Variants in POT1 observed in about 807,000 individuals in gnomAD.
The protein encoded by POT1 is protection of telomeres protein 1.
In POT1, 47 loss-of-function variants were observed where a neutral mutation model predicts 78.5. That is an observed-to-expected ratio of 0.60 (90% CI 0.47 to 0.76). The LOEUF (loss-of-function observed/expected upper bound fraction) is 0.76, where lower values mean the gene tolerates loss of function less well. Among genes scored for constraint, POT1 ranks in the 30% least tolerant of loss-of-function variants. The pLI, the probability that POT1 is intolerant of heterozygous loss-of-function variation, is 0.00. For synonymous variants in POT1, 259 were observed against 260.7 expected, an observed-to-expected ratio of 0.99 and a Z score of 0.06; for missense variants, 646 against 749.9, an observed-to-expected ratio of 0.86 and a Z score of 1.62.
chr7:124,833,721 G>A (rs961901910), intron 15 of POT1, among the ~76,000 whole-genome samples: 1 of 152,166 alleles, frequency 6.6e-6, no homozygotes, highest in Non-Finnish European at 1.5e-5. Context: ...AAACAAGTGA[G>A]TACCAGCCTC....
In POT1 at chr7:124,874,896, T is replaced by C. The variant is rs117059696; in HGVS notation, c.125-3855A>G. ...AAGGGAGACAAGAAAGAAAGGAGGG[T>C]AGAAAAAGAGAAATCTGAATTTGTG... On this transcript the variant is annotated intron_variant, in intron 6 of 18. Coordinates refer to ENST00000357628, the MANE Select transcript of POT1 (RefSeq NM_015450.3). Among the ~76,000 whole-genome samples, 289 of 149,972 alleles carry C rather than the reference T, an allele frequency of 1.9e-3. 1 individual carries two copies. Among genetic ancestry groups the C allele is most frequent in the Admixed American group, 4.3e-3 (64 of 15,044 alleles).
At chr7:124,851,055 C>T (rs970288382) in intron 11 of POT1, among the ~76,000 whole-genome samples, 6 of 151,912 alleles carry the variant, frequency 3.9e-5, no homozygotes, top group Admixed American at 6.6e-5. Flanking sequence ...TGCTTGAGAC[C>T]GGGAGACCAG....
At chr7:124,858,101 T>G (rs10954045) in intron 9 of POT1, among the ~76,000 whole-genome samples, 1 of 152,010 alleles carries the variant, frequency 6.6e-6, no homozygotes, top group South Asian at 2.1e-4. Flanking sequence ...TTCCAGCACC[T>G]GTGCACTCCA....
At position 124,841,032 on chromosome 7, in the gene POT1, T is replaced by C. The variant is rs750331813; in HGVS notation, c.1310A>G (p.His437Arg). 1 of 1,612,210 alleles carries C rather than the reference T, an allele frequency of 6.2e-7. No homozygotes were observed. Among genetic ancestry groups the C allele is most frequent in the Admixed American group, 1.7e-5 (1 of 60,004 alleles). Residue 437 changes from histidine to arginine, a missense_variant, in exon 14 of 19, where the codon CAT becomes CGT. Transcript: ENST00000357628. ...GAGAATACCATTATTTTTCACAAAA[T>C]GAACTGCTACTTTTCGTCCTTTTTG... is the stretch of plus-strand genomic sequence containing the variant. ...KNQKGRKVAV[H>R]FVKNNGILPL...
intron 6 of POT1, among the ~76,000 whole-genome samples, chr7:124,874,017 G>A (rs1042160437): frequency 5.3e-5 from 8 of 152,142 alleles, no homozygotes; most frequent in Non-Finnish European, 7.4e-5. Flanking sequence ...CAGAACAAGT[G>A]TTTCAATGAC....
At chr7:124,906,557 G>A (rs1246996444) in intron 3 of POT1, among the ~76,000 whole-genome samples, 8 of 151,982 alleles carry the variant, frequency 5.3e-5, no homozygotes, top group Non-Finnish European at 1.0e-4. Context: ...GTTAATGGGT[G>A]CAGCACACCA....
intron 5 of POT1, among the ~76,000 whole-genome samples, chr7:124,893,414 T>G (rs1288331494): frequency 6.6e-6 from 1 of 151,456 alleles, no homozygotes; most frequent in Non-Finnish European, 1.5e-5. Flanking sequence ...ATTCCTAAAT[T>G]CTTGGGCTTA....
At chr7:124,831,947 G>A (rs2116430920) in intron 15 of POT1, among the ~76,000 whole-genome samples, 1 of 149,526 alleles carries the variant, frequency 6.7e-6, no homozygotes, top group East Asian at 2.0e-4. Context: ...AGTTAGAGAA[G>A]GGATTGATAT....
At chr7:124,828,902 A>C in intron 16 of POT1, 2 of 549,158 alleles carry the variant, frequency 3.6e-6, no homozygotes, top group Non-Finnish European at 7.1e-6. Flanking sequence ...GTTTCAGGTA[A>C]ATAATAATTT....
At chr7:124,853,791 C>T (rs1468935080) in intron 9 of POT1, among the ~76,000 whole-genome samples, 1 of 152,010 alleles carries the variant, frequency 6.6e-6, no homozygotes, top group Non-Finnish European at 1.5e-5. Context: ...TTTTGCTAAA[C>T]TTAGTCTACA....
At chr7:124,924,820 G>GT (rs1440478709) in intron 2 of POT1, among the ~76,000 whole-genome samples, 4 of 151,938 alleles carry the variant, frequency 2.6e-5, no homozygotes, top group Admixed American at 1.3e-4. Flanking sequence ...ACGCAAATCA[G>GT]TAAGTGTTAT....
chr7:124,929,191 C>A (rs1371296396), intron 1 of POT1, among the ~76,000 whole-genome samples, 192 bp from the exon 2 acceptor site: 1 of 152,130 alleles, frequency 6.6e-6, no homozygotes, highest in Non-Finnish European at 1.5e-5. Flanking sequence ...TGAAACTTAA[C>A]CATTTTCTAC....
intron 2 of POT1, among the ~76,000 whole-genome samples, chr7:124,921,952 C>T (rs1226518206): frequency 6.6e-6 from 1 of 151,856 alleles, no homozygotes; most frequent in African/African-American, 2.4e-5. Flanking sequence ...AGCTCAGTTA[C>T]CCACAGAGGA....
intron 18 of POT1, among the ~76,000 whole-genome samples, chr7:124,824,769 G>C (rs954887576): frequency 2.0e-5 from 3 of 152,048 alleles, no homozygotes; most frequent in Non-Finnish European, 2.9e-5. Context: ...TTTGAAATGA[G>C]GAAGATCTGG....
chr7:124,851,898 T>C lies in POT1; in HGVS notation c.923A>G (p.Gln308Arg), dbSNP rs1156231311. The C allele has an allele frequency of 3.1e-6, 5 of 1,610,938 alleles. No homozygotes were observed. In the African/African-American group the frequency reaches 4.0e-5, roughly 13 times the overall value. Residue 308 changes from glutamine to arginine, a missense_variant, in exon 11 of 19, where the codon CAA becomes CGA. This residue lies in a region of POT1 where 394 missense variants were observed against 408.4 expected (regional missense o/e 0.96). Transcript: ENST00000357628. ...TGGAAAGCTGTCGTCAGGTTCTGAT[T>C]GACAGATAACATCTGAATGCTGATT... ...TANQHSDVIC[Q>R]SEPDDSFPSS...
At chr7:124,841,247 G>A in intron 13 of POT1, 69 bp from the exon 14 acceptor site, 2 of 1,225,214 alleles carry the variant, frequency 1.6e-6, no homozygotes, top group Non-Finnish European at 1.2e-6. Context: ...CATTTAACAA[G>A]TTATCAAATT....
chr7:124,887,842 AGT>A (rs1305684216), intron 6 of POT1, among the ~76,000 whole-genome samples: 1 of 152,124 alleles, frequency 6.6e-6, no homozygotes, highest in Non-Finnish European at 1.5e-5. Flanking sequence ...ACACAGGTGA[AGT>A]GTGTGTTTCT....
At chr7:124,883,970 G>C (rs1008029687) in intron 6 of POT1, among the ~76,000 whole-genome samples, 1 of 151,644 alleles carries the variant, frequency 6.6e-6, no homozygotes, top group African/African-American at 2.4e-5. Context: ...ATCAATATGT[G>C]TATCAATAAT....
In POT1 at chr7:124,897,153, A is replaced by G. The variant is rs751575991; in HGVS notation, c.9+12T>C. ...GGTGTAATACTCTAAATTAAACTGA[A>G]TATCATCTTACCAAAGACATTGATT... is the stretch of plus-strand genomic sequence containing the variant. On this transcript the variant is annotated intron_variant, in intron 5 of 18. Coordinates refer to ENST00000357628, the MANE Select transcript of POT1 (RefSeq NM_015450.3). The G allele has an allele frequency of 3.1e-5, 44 of 1,440,894 alleles. No individual in the cohort carries two copies. Among genetic ancestry groups the G allele is most frequent in the Non-Finnish European group, 4.0e-5 (42 of 1,037,642 alleles). The allele number at this position is 1,440,894 out of a possible 1,614,324, so 89.3% of individuals were successfully genotyped here. A position where few individuals can be genotyped will look rare whatever the true frequency, so the allele number is the denominator to read the frequency against.
Sources: gnomAD v4.1 joint callset for allele counts (sites outside exome capture counted in the v4.1 genomes callset) on GRCh38, gnomAD v4.1.1 for gene constraint, gnomAD v4.1.1 regional missense constraint, MANE v1.5 for transcripts, NCBI Gene and HGNC (gene_info 2026-07-23, HGNC 2026-07-21) for gene names.